C2orf15: variants seen among roughly 807,000 people sequenced by gnomAD.
C2orf15 encodes uncharacterized protein C2orf15.
Under a neutral mutation model 4.4 loss-of-function variants are expected in C2orf15, and 3 were observed. That is an observed-to-expected ratio of 0.67 (90% CI 0.31 to 1.74). C2orf15 has a LOEUF of 1.74. C2orf15 is among the 40% of genes most tolerant of loss of function. The pLI is 0.09. For synonymous variants in C2orf15, 37 were observed against 36.8 expected (o/e 1.00, Z -0.02); for missense variants, 90 against 103.3 (o/e 0.87, Z 0.56).
At chr2:99,144,113 C>T (rs1188801643) in intron 2 of C2orf15, among the ~76,000 whole-genome samples, 2 of 152,154 alleles carry the variant, frequency 1.3e-5, no homozygotes, top group South Asian at 4.1e-4. Flanking sequence ...CTCTGCCTCG[C>T]GGCTTCACGC....
rs1348852397 is a variant in C2orf15 at position 99,144,683 on chromosome 2, CATGAGG to C, written c.-169+2285_-169+2290del. Reference sequence around the variant, plus strand: ...AAAAAAAAAAAAAAGATGCTGAAAGCATGAGGATAAGTCTGGTCTCTGTTACTCCAT... The same window carrying C: ...AAAAAAAAAAAAAAGATGCTGAAAGCATAAGTCTGGTCTCTGTTACTCCAT... On this transcript the variant is annotated intron_variant, in intron 2 of 3. Coordinates refer to ENST00000650052, the MANE Select transcript of C2orf15 (RefSeq NM_144706.4). Among the ~76,000 whole-genome samples, 2 of 128,922 alleles carry C rather than the reference CATGAGG, an allele frequency of 1.6e-5. 1 individual carries two copies. The highest frequency in any genetic ancestry group is 5.7e-4 in the East Asian group (2 of 3,510). 84.6% of individuals were successfully genotyped at this position (128,922 alleles called of 152,430 possible).
intron 2 of C2orf15, among the ~76,000 whole-genome samples, chr2:99,143,052 C>T (rs1292420022): frequency 6.6e-6 from 1 of 151,928 alleles, no homozygotes; most frequent in East Asian, 1.9e-4. Flanking sequence ...GACTTTCTCC[C>T]CTAACCTGAG....
At chr2:99,148,592 G>T (rs577476707) in intron 3 of C2orf15, among the ~76,000 whole-genome samples, 31 of 152,324 alleles carry the variant, frequency 2.0e-4, no homozygotes, top group African/African-American at 6.5e-4. Context: ...GAAATGTTCA[G>T]TCAGTAATTA....
intron 2 of C2orf15, among the ~76,000 whole-genome samples, chr2:99,144,897 A>G (rs1052488133): frequency 1.3e-5 from 2 of 152,156 alleles, no homozygotes; most frequent in African/African-American, 4.8e-5. Context: ...ATGGGGTGAT[A>G]GGTCTGGGGT....
At chr2:99,147,336 C>T in intron 2 of C2orf15, 66 bp from the exon 3 acceptor site, 1 of 903,306 alleles carries the variant, frequency 1.1e-6, no homozygotes, top group Non-Finnish European at 1.8e-6. Flanking sequence ...AAGAAAGCCA[C>T]TTTGTTCTTT....
At chr2:99,146,627 C>A (rs923110495) in intron 2 of C2orf15, among the ~76,000 whole-genome samples, 13 of 152,006 alleles carry the variant, frequency 8.6e-5, no homozygotes, top group African/African-American at 3.1e-4. Flanking sequence ...TGCATTTGCA[C>A]TCCACTTTTT....
Position 99,151,576 on chromosome 2 carries a change from ATACTT to A in C2orf15, c.*749_*753del, listed in dbSNP as rs1251128917. On this transcript the variant is annotated 3_prime_UTR_variant, in exon 4 of 4. Coordinates refer to ENST00000650052, the MANE Select transcript of C2orf15 (RefSeq NM_144706.4). Reference sequence around the variant, plus strand: ...TTCCATTTTGGGATTCTGCTTTATGATACTTTACTTTCTTACATTTTGCATTTTTG... The same window carrying A: ...TTCCATTTTGGGATTCTGCTTTATGATACTTTCTTACATTTTGCATTTTTG... The A allele has an allele frequency of 6.6e-6, 1 of 151,282 alleles. No homozygotes were observed. The highest frequency in any genetic ancestry group is 1.5e-5 in the Non-Finnish European group (1 of 67,924). 9.4% of individuals were successfully genotyped at this position (151,282 alleles called of 1,614,324 possible). A position where few individuals can be genotyped will look rare whatever the true frequency, so the allele number is the denominator to read the frequency against.
At chr2:99,145,397 A>C (rs2093621414) in intron 2 of C2orf15, among the ~76,000 whole-genome samples, 1 of 152,054 alleles carries the variant, frequency 6.6e-6, no homozygotes, top group African/African-American at 2.4e-5. Context: ...GTCTCTCCCC[A>C]AAAATACAAA....
intron 3 of C2orf15, 106 bp downstream of exon 3, chr2:99,147,599 T>C: frequency 1.0e-6 from 1 of 977,102 alleles, no homozygotes; most frequent in Non-Finnish European, 1.6e-6. Context: ...GTTACCATTC[T>C]TTTACGTTTG....
chr2:99,143,922 T>C (rs1325284200), intron 2 of C2orf15, among the ~76,000 whole-genome samples: 2 of 152,184 alleles, frequency 1.3e-5, no homozygotes, highest in Admixed American at 1.3e-4. Flanking sequence ...GTTTTCACTG[T>C]CCTCTTCCTG....
Position 99,150,903 on chromosome 2 carries a change from T to G in C2orf15, c.*69T>G, listed in dbSNP as rs1194579823. On this transcript the variant is annotated 3_prime_UTR_variant, in exon 4 of 4. Coordinates refer to ENST00000650052, the MANE Select transcript of C2orf15 (RefSeq NM_144706.4). ...ACTAAGGGGGGTGTTGAAAGAGAAC[T>G]TAACCTTATTAGGAAACCCTGACAA... 5 of 989,200 alleles carry G rather than the reference T, an allele frequency of 5.1e-6. No individual in the cohort carries two copies. Among genetic ancestry groups the G allele is most frequent in the African/African-American group, 1.6e-5 (1 of 61,186 alleles). 61.3% of individuals were successfully genotyped at this position (989,200 alleles called of 1,614,324 possible).
intron 2 of C2orf15, among the ~76,000 whole-genome samples, chr2:99,143,133 C>CTTTT (rs10605521): frequency 4.9e-5 from 4 of 82,154 alleles, no homozygotes; most frequent in Non-Finnish European, 6.9e-5. Flanking sequence ...CCAACTAAAC[C>CTTTT]TTTTTTTTTT....
intron 2 of C2orf15, among the ~76,000 whole-genome samples, chr2:99,145,310 C>T (rs1330888023): frequency 6.6e-6 from 1 of 152,160 alleles, no homozygotes; most frequent in Non-Finnish European, 1.5e-5. Context: ...ATAATCCCAG[C>T]ATTTTGGGAG....
At chr2:99,146,633 T>C (rs1367741393) in intron 2 of C2orf15, among the ~76,000 whole-genome samples, 1 of 152,064 alleles carries the variant, frequency 6.6e-6, no homozygotes, top group Non-Finnish European at 1.5e-5. Flanking sequence ...TGCACTCCAC[T>C]TTTTTTTCTT....
intron 2 of C2orf15, chr2:99,146,969 C>T (rs2093638293): frequency 6.6e-6 from 1 of 152,624 alleles, no homozygotes. Flanking sequence ...CATAGTTAGC[C>T]AATGTTCACG....
At chr2:99,146,817 C>CA (rs1169647075) in intron 2 of C2orf15, among the ~76,000 whole-genome samples, 1 of 152,130 alleles carries the variant, frequency 6.6e-6, no homozygotes, top group East Asian at 1.9e-4. Context: ...TTAGTAGAGA[C>CA]AGAGTTTCAC....
intron 2 of C2orf15, 64 bp from the exon 3 acceptor site, chr2:99,147,338 T>G: frequency 1.1e-6 from 1 of 904,316 alleles, no homozygotes; most frequent in Non-Finnish European, 1.8e-6. Flanking sequence ...GAAAGCCACT[T>G]TGTTCTTTTT....
In C2orf15 at chr2:99,150,496, G is replaced by C. The variant is rs1168930672; in HGVS notation, c.-63G>C. 5 of 1,478,004 alleles carry C rather than the reference G, an allele frequency of 3.4e-6. No individual in the cohort carries two copies. Among genetic ancestry groups the C allele is most frequent in the African/African-American group, 1.5e-5 (1 of 68,714 alleles). 91.6% of individuals were successfully genotyped at this position (1,478,004 alleles called of 1,614,324 possible). ...TTTTTTTTTCAGTAATCAAGTTGAA[G>C]AAACACTTCCACTACTTAAAAAGGT... On this transcript the variant is annotated 5_prime_UTR_variant, in exon 4 of 4. Coordinates refer to ENST00000650052, the MANE Select transcript of C2orf15 (RefSeq NM_144706.4).
chr2:99,144,282 A>G lies in C2orf15; in HGVS notation c.-169+1881A>G, dbSNP rs543457947. Among the ~76,000 whole-genome samples the G allele has an allele frequency of 2.0e-5, 3 of 151,986 alleles. No homozygotes were observed. The South Asian group carries it at 6.2e-4, about 32-fold the overall frequency. ...ATGACCTGCCCGCCTCGGCCTCCCA[A>G]AGTGCTGGGATTACAGGCATGAGCC... On this transcript the variant is annotated intron_variant, in intron 2 of 3. Coordinates refer to ENST00000650052, the MANE Select transcript of C2orf15 (RefSeq NM_144706.4).
Sources: gnomAD v4.1 joint callset for allele counts (sites outside exome capture counted in the v4.1 genomes callset) on GRCh38, gnomAD v4.1.1 for gene constraint, MANE v1.5 for transcripts, NCBI Gene and HGNC (gene_info 2026-07-23, HGNC 2026-07-21) for gene names.